Variants in KCNIP1 observed in about 807,000 individuals in gnomAD.
The protein encoded by KCNIP1 is potassium voltage-gated channel interacting protein 1.
In KCNIP1, 18 loss-of-function variants were observed where a neutral mutation model predicts 33.0. The ratio of observed to expected loss-of-function variants is 0.55; its 90% confidence interval spans 0.38 to 0.81. The LOEUF is 0.81. Among genes scored for constraint, KCNIP1 ranks in the 30% least tolerant of loss-of-function variants. The probability of loss-of-function intolerance (pLI) is 0.00; values close to 1 mark genes in which losing one functional copy is unlikely to be tolerated. For missense variants in KCNIP1, 238 were observed against 271.6 expected, an observed-to-expected ratio of 0.88 and a Z score of 0.87; for synonymous variants, 93 against 98.3, an observed-to-expected ratio of 0.95 and a Z score of 0.32.
At chr5:170,426,296 T>C (rs971412852) in intron 1 of KCNIP1, among the ~76,000 whole-genome samples, 2 of 140,886 alleles carry the variant, frequency 1.4e-5, no homozygotes, top group Non-Finnish European at 3.2e-5. Context: ...CAGTTTTTAA[T>C]ATTATCAGTC....
chr5:170,583,984 T>C (rs1463398239), intron 1 of KCNIP1, among the ~76,000 whole-genome samples: 1 of 152,178 alleles, frequency 6.6e-6, no homozygotes, highest in African/African-American at 2.4e-5. Flanking sequence ...AGAATGGACA[T>C]TGGCCTCACT....
intron 1 of KCNIP1, among the ~76,000 whole-genome samples, chr5:170,526,329 C>T (rs367929545): frequency 6.6e-6 from 1 of 152,188 alleles, no homozygotes; most frequent in Non-Finnish European, 1.5e-5. Context: ...ACGCAGTAGC[C>T]CATTTCTGTA....
At chr5:170,493,188 C>A (rs1203426510) in intron 1 of KCNIP1, among the ~76,000 whole-genome samples, 2 of 152,154 alleles carry the variant, frequency 1.3e-5, no homozygotes, top group African/African-American at 4.8e-5. Flanking sequence ...TATCCCCCAC[C>A]AAATGCGAGC....
intron 1 of KCNIP1, among the ~76,000 whole-genome samples, chr5:170,550,613 CAATGATGGTGAT>C (rs1756587147): frequency 7.0e-6 from 1 of 143,784 alleles, no homozygotes; most frequent in Admixed American, 6.9e-5. Flanking sequence ...ATGGTGATGA[CAATGATGGTGAT>C]GATGATGGTG....
At chr5:170,676,601 G>A (rs1762154276) in intron 1 of KCNIP1, among the ~76,000 whole-genome samples, 1 of 152,154 alleles carries the variant, frequency 6.6e-6, no homozygotes, top group Non-Finnish European at 1.5e-5. Context: ...TATCAAATTA[G>A]TTTTTCCAAA....
At chr5:170,622,347 G>A (rs947854230) in intron 1 of KCNIP1, among the ~76,000 whole-genome samples, 1 of 152,060 alleles carries the variant, frequency 6.6e-6, no homozygotes, top group African/African-American at 2.4e-5. Context: ...ACAGGCCGGG[G>A]CCAGTAGCTC....
chr5:170,679,531 G>C (rs1762256331), intron 1 of KCNIP1, among the ~76,000 whole-genome samples: 1 of 152,032 alleles, frequency 6.6e-6, no homozygotes, highest in South Asian at 2.1e-4. Flanking sequence ...TTCAGCAACA[G>C]TCACCCTCTG....
intron 1 of KCNIP1, among the ~76,000 whole-genome samples, chr5:170,589,759 TGTG>T (rs1418299667): frequency 2.2e-5 from 3 of 139,370 alleles, no homozygotes; most frequent in African/African-American, 2.7e-5. Flanking sequence ...TGTGGTGTGG[TGTG>T]GTGTGGTGTG....
rs192248152 is a variant in KCNIP1, at chr5:170,699,099, A to G, written c.62-19659A>G. On this transcript the variant is annotated intron_variant, in intron 1 of 7. Transcript: ENST00000328939. Reference sequence around the variant, plus strand: ...TGCCCTTTAAAGTGACTTAAAAATAATCTTTATGAATTTCTTCATATACAA... The same window carrying G: ...TGCCCTTTAAAGTGACTTAAAAATAGTCTTTATGAATTTCTTCATATACAA... Among the ~76,000 whole-genome samples, 7 of 152,302 alleles carry G rather than the reference A, an allele frequency of 4.6e-5. No individual in the cohort carries two copies. In the East Asian group the frequency reaches 1.4e-3, roughly 29 times the overall value.
intron 1 of KCNIP1, among the ~76,000 whole-genome samples, chr5:170,572,901 C>T (rs772629925): frequency 1.6e-4 from 25 of 152,210 alleles, no homozygotes; most frequent in Non-Finnish European, 2.4e-4. Flanking sequence ...TACTCTATTC[C>T]GGATACGGTG....
intron 5 of KCNIP1, among the ~76,000 whole-genome samples, chr5:170,728,879 G>C (rs1453884835): frequency 2.6e-5 from 4 of 151,958 alleles, no homozygotes; most frequent in African/African-American, 9.7e-5. Context: ...GGTGGGATTT[G>C]TTCTACCAGA....
At chr5:170,674,792 CCTCCTTCCT>C (rs1486501697) in intron 1 of KCNIP1, among the ~76,000 whole-genome samples, 1 of 152,160 alleles carries the variant, frequency 6.6e-6, no homozygotes, top group Non-Finnish European at 1.5e-5. Flanking sequence ...AGTTGTCTTG[CCTCCTTCCT>C]CTCCAGTCTC....
chr5:170,579,715 C>A (rs909572145), intron 1 of KCNIP1, among the ~76,000 whole-genome samples: 1 of 152,192 alleles, frequency 6.6e-6, no homozygotes, highest in African/African-American at 2.4e-5. Flanking sequence ...TCGTTCCAAT[C>A]TAGGGGCTCC....
At chr5:170,588,383 T>A (rs1305312643) in intron 1 of KCNIP1, among the ~76,000 whole-genome samples, 2 of 152,194 alleles carry the variant, frequency 1.3e-5, no homozygotes, top group Non-Finnish European at 2.9e-5. Flanking sequence ...ACCCCACACA[T>A]TATAAAGCCA....
intron 1 of KCNIP1, among the ~76,000 whole-genome samples, chr5:170,442,517 C>A (rs146429027): frequency 6.6e-6 from 1 of 152,122 alleles, no homozygotes; most frequent in East Asian, 1.9e-4. Flanking sequence ...CCTCGTTCTG[C>A]GTTCAGGATG....
At chr5:170,575,156 A>C (rs1462477207) in intron 1 of KCNIP1, among the ~76,000 whole-genome samples, 2 of 152,150 alleles carry the variant, frequency 1.3e-5, no homozygotes, top group Admixed American at 1.3e-4. Flanking sequence ...ACATTAAACT[A>C]ATGTTGTTAA....
intron 1 of KCNIP1, among the ~76,000 whole-genome samples, chr5:170,391,672 G>A (rs1754598615): frequency 6.6e-6 from 1 of 152,216 alleles, no homozygotes; most frequent in African/African-American, 2.4e-5. Flanking sequence ...ATAGACCACT[G>A]AGGTGGAGAT....
At chr5:170,499,509 C>T (rs1016588120), upstream of KCNIP1, among the ~76,000 whole-genome samples, 2 of 152,228 alleles carry the variant, frequency 1.3e-5, no homozygotes, top group Non-Finnish European at 2.9e-5. Flanking sequence ...AGATCGTACT[C>T]ATCATGCCCA....
chr5:170,655,085 A>G (rs1034894866), intron 1 of KCNIP1, among the ~76,000 whole-genome samples: 6 of 152,208 alleles, frequency 3.9e-5, no homozygotes, highest in Non-Finnish European at 8.8e-5. Flanking sequence ...AGCCAGCACA[A>G]AAGATAAAAA....
Sources: allele counts gnomAD v4.1 joint callset (sites outside exome capture counted in the v4.1 genomes callset), GRCh38; gene constraint gnomAD v4.1.1; transcripts MANE v1.5; gene names NCBI Gene and HGNC (gene_info 2026-07-23, HGNC 2026-07-21).